NAALADL2: variants seen among roughly 807,000 people sequenced by gnomAD.
NAALADL2 encodes inactive N-acetylated-alpha-linked acidic dipeptidase-like protein 2.
In NAALADL2, 76 loss-of-function variants were observed where a neutral mutation model predicts 87.2. That is an observed-to-expected ratio of 0.87 (90% CI 0.72 to 1.05). NAALADL2 has a LOEUF of 1.05. Among genes scored for constraint, NAALADL2 ranks in the 50% least tolerant of loss-of-function variants. The pLI, the probability that NAALADL2 is intolerant of heterozygous loss-of-function variation, is 0.00. For missense variants in NAALADL2, 1,089 were observed against 945.8 expected, an observed-to-expected ratio of 1.15 and a Z score of -1.99; for synonymous variants, 354 against 331.0, an observed-to-expected ratio of 1.07 and a Z score of -0.75.
chr3:174,763,263 A>C (rs906789087), intron 3 of NAALADL2, among the ~76,000 whole-genome samples: 17 of 152,164 alleles, frequency 1.1e-4, no homozygotes, highest in African/African-American at 4.1e-4. Context: ...ATGAAATTTC[A>C]CAATTTTATG....
chr3:174,936,888 G>A (rs1737774239), intron 1 of NAALADL2, among the ~76,000 whole-genome samples: 1 of 152,126 alleles, frequency 6.6e-6, no homozygotes, highest in African/African-American at 2.4e-5. Context: ...GAGGGAAATG[G>A]AAAGATTTGT....
At chr3:175,351,949 G>C (rs1040467609) in intron 5 of NAALADL2, among the ~76,000 whole-genome samples, 1 of 152,254 alleles carries the variant, frequency 6.6e-6, no homozygotes, top group Middle Eastern at 3.4e-3. Context: ...CCAGCAAGTT[G>C]TGTGATGCAC....
At chr3:175,802,795 A>G (rs1754340878) in intron 13 of NAALADL2, among the ~76,000 whole-genome samples, 1 of 151,832 alleles carries the variant, frequency 6.6e-6, no homozygotes, top group Non-Finnish European at 1.5e-5. Context: ...ATTTCTGATC[A>G]TTTCTCTCTT....
rs569705052 is a variant in NAALADL2 at position 175,463,212 on chromosome 3, A to C, written c.1235-189A>C. Among the ~76,000 whole-genome samples, 24 of 152,308 alleles carry C rather than the reference A, an allele frequency of 1.6e-4. 1 individual carries two copies. The East Asian group carries it at 4.5e-3, about 28-fold the overall frequency. On this transcript the variant is annotated intron_variant, in intron 6 of 13. Transcript: ENST00000454872. The stretch of plus-strand genomic sequence containing the variant: ...TGTATCTTAGTCATCACTGCGTAAC[A>C]AACACCTAAAATAGAATCTGTACAA...
At chr3:175,045,113 G>A (rs181627296) in intron 1 of NAALADL2, among the ~76,000 whole-genome samples, 6 of 151,944 alleles carry the variant, frequency 3.9e-5, no homozygotes, top group Non-Finnish European at 5.9e-5. Flanking sequence ...AATAGTTGTT[G>A]GATTATTGGT....
At chr3:174,679,056 A>T (rs900339888) in intron 2 of NAALADL2, among the ~76,000 whole-genome samples, 1 of 152,128 alleles carries the variant, frequency 6.6e-6, no homozygotes, top group Admixed American at 6.6e-5. Context: ...GCCAGACTTC[A>T]TTGAGCTTCC....
intron 2 of NAALADL2, among the ~76,000 whole-genome samples, chr3:175,135,598 T>G (rs557805007): frequency 7.9e-5 from 12 of 152,258 alleles, no homozygotes; most frequent in African/African-American, 2.6e-4. Flanking sequence ...AGAAAGATGT[T>G]GATTTCAAAA....
chr3:174,597,072 T>C (rs1717989143), intron 2 of NAALADL2, among the ~76,000 whole-genome samples: 1 of 152,230 alleles, frequency 6.6e-6, no homozygotes, highest in South Asian at 2.1e-4. Flanking sequence ...TTCACAGGAC[T>C]CTACATAGTG....
Position 175,075,336 on chromosome 3 carries a change from T to C in NAALADL2, c.44-21454T>C, listed in dbSNP as rs181793329. On this transcript the variant is annotated intron_variant, in intron 1 of 13. Coordinates refer to ENST00000454872, the MANE Select transcript of NAALADL2 (RefSeq NM_207015.3). Reference sequence around the variant, plus strand: ...TTAGTCTGCTTTATGCAAAGCTTATTATGTTGTTACATATCAGTCTTGTTT... The same window carrying C: ...TTAGTCTGCTTTATGCAAAGCTTATCATGTTGTTACATATCAGTCTTGTTT... 8.6e-3 allele frequency among the ~76,000 whole-genome samples: 1,303 copies of C among 152,004 alleles called. 17 individuals carry two copies. Among genetic ancestry groups the C allele is most frequent in the African/African-American group, 0.03 (1,245 of 41,262 alleles).
chr3:175,378,182 G>A lies in NAALADL2; in HGVS notation c.1090+53857G>A, dbSNP rs189289309. Reference sequence around the variant, plus strand: ...GGCCTACACAGAGTTTGCTCTTGCCGACACCCAAAAGCACTCACCCTGGCT... The same window carrying A: ...GGCCTACACAGAGTTTGCTCTTGCCAACACCCAAAAGCACTCACCCTGGCT... On this transcript the variant is annotated intron_variant, in intron 5 of 13. Transcript: ENST00000454872. Among the ~76,000 whole-genome samples the A allele has an allele frequency of 5.4e-4, 81 of 151,252 alleles. No individual in the cohort carries two copies. The East Asian group carries it at 9.2e-3, about 17-fold the overall frequency.
intron 3 of NAALADL2, among the ~76,000 whole-genome samples, chr3:174,797,239 A>G (rs1046780745): frequency 2.0e-5 from 3 of 151,768 alleles, no homozygotes; most frequent in Admixed American, 2.0e-4. Flanking sequence ...GGCTTCATCA[A>G]AGACCAGTAG....
chr3:174,773,489 A>G (rs1456512090), intron 3 of NAALADL2, among the ~76,000 whole-genome samples: 2 of 152,288 alleles, frequency 1.3e-5, no homozygotes, highest in East Asian at 1.9e-4. Context: ...AGAATAAGGT[A>G]TACTCCATGC....
intron 5 of NAALADL2, among the ~76,000 whole-genome samples, chr3:175,435,001 A>C (rs1581870165): frequency 6.6e-6 from 1 of 152,190 alleles, no homozygotes; most frequent in East Asian, 1.9e-4. Context: ...TAGACAAATG[A>C]GGAATACCAA....
intron 2 of NAALADL2, among the ~76,000 whole-genome samples, chr3:174,609,462 A>T (rs1325855467): frequency 2.6e-5 from 4 of 152,158 alleles, no homozygotes; most frequent in Non-Finnish European, 5.9e-5. Context: ...CAACTTCAGC[A>T]AAATCTCAGG....
At chr3:175,638,028 A>G (rs577128540) in intron 11 of NAALADL2, among the ~76,000 whole-genome samples, 3 of 152,242 alleles carry the variant, frequency 2.0e-5, no homozygotes, top group Non-Finnish European at 4.4e-5. Context: ...AATTTTAAAA[A>G]GAGCAATATG....
intron 11 of NAALADL2, among the ~76,000 whole-genome samples, chr3:175,693,486 C>G (rs1582911870): frequency 6.6e-6 from 1 of 152,120 alleles, no homozygotes; most frequent in Non-Finnish European, 1.5e-5. Flanking sequence ...AAAGGGCAGA[C>G]ATCTCTTTAG....
At chr3:175,239,543 AT>A (rs1195288752) in intron 3 of NAALADL2, among the ~76,000 whole-genome samples, 19 of 152,158 alleles carry the variant, frequency 1.2e-4, no homozygotes, top group African/African-American at 3.4e-4. Flanking sequence ...TGAGCAAGAG[AT>A]TTTTTTCTTA....
At chr3:174,583,461 C>T (rs9855684) in intron 2 of NAALADL2, among the ~76,000 whole-genome samples, 76,657 of 152,002 alleles carry the variant, frequency 0.5, 21,893 homozygotes, top group East Asian at 0.81. Context: ...ATTACACATA[C>T]AGTGACAGTG....
At chr3:174,943,280 G>A (rs1227565145) in intron 1 of NAALADL2, among the ~76,000 whole-genome samples, 2 of 152,140 alleles carry the variant, frequency 1.3e-5, no homozygotes, top group Non-Finnish European at 2.9e-5. Flanking sequence ...TCTTGTCTCT[G>A]GTTTCAGAGG....
Sources: gnomAD v4.1 joint callset for allele counts (sites outside exome capture counted in the v4.1 genomes callset) on GRCh38, gnomAD v4.1.1 for gene constraint, MANE v1.5 for transcripts, NCBI Gene and HGNC (gene_info 2026-07-23, HGNC 2026-07-21) for gene names.